SGCD: variants seen among roughly 807,000 people sequenced by gnomAD.
SGCD encodes the protein sarcoglycan delta, also known as delta-sarcoglycan.
A neutral mutation model predicts 36.6 loss-of-function variants in SGCD; 18 were observed. The ratio of observed to expected loss-of-function variants is 0.49; its 90% CI spans 0.34 to 0.73. The LOEUF is 0.73. Ranked by LOEUF, SGCD falls within the 30% of genes least tolerant of loss-of-function variation. The pLI, the probability that SGCD is intolerant of heterozygous loss-of-function variation, is 0.01. For missense variants in SGCD, 387 were observed against 346.7 expected (o/e 1.12, Z -0.92); for synonymous variants, 133 against 130.6 (o/e 1.02, Z -0.12).
At chr5:156,232,344 A>C (rs1477083450) in intron 3 of SGCD, among the ~76,000 whole-genome samples, 1 of 152,188 alleles carries the variant, frequency 6.6e-6, no homozygotes, top group Admixed American at 6.5e-5. Context: ...CTAAAACTAG[A>C]CTATTTCACC....
At chr5:156,181,527 T>C (rs78198982) in intron 3 of SGCD, among the ~76,000 whole-genome samples, 2,182 of 152,280 alleles carry the variant, frequency 0.014, 25 homozygotes, top group Non-Finnish European at 0.024. Context: ...TAGGGAGAAC[T>C]CCCCATTCCT....
intron 1 of SGCD, among the ~76,000 whole-genome samples, chr5:156,100,858 C>G (rs185351597): frequency 3.9e-5 from 6 of 152,090 alleles, no homozygotes. Context: ...CCTACCGTAC[C>G]TTGATTTTGG....
At chr5:156,472,399 A>G (rs1347482778) in intron 3 of SGCD, among the ~76,000 whole-genome samples, 2 of 152,182 alleles carry the variant, frequency 1.3e-5, no homozygotes, top group Non-Finnish European at 2.9e-5. Flanking sequence ...TAAAGAACTA[A>G]TATATACAAT....
intron 7 of SGCD, among the ~76,000 whole-genome samples, chr5:156,652,400 G>A (rs1350981140): frequency 6.6e-6 from 1 of 152,066 alleles, no homozygotes; most frequent in African/African-American, 2.4e-5. Context: ...AAGGCATGAG[G>A]ATGGCTTGAG....
At chr5:156,361,716 G>A (rs1769803571) in intron 3 of SGCD, among the ~76,000 whole-genome samples, 1 of 152,194 alleles carries the variant, frequency 6.6e-6, no homozygotes, top group Admixed American at 6.5e-5. Flanking sequence ...AAGAAATACG[G>A]TGACTCAAAT....
chr5:155,948,834 C>T (rs533656888), intron 1 of SGCD, among the ~76,000 whole-genome samples: 1 of 152,252 alleles, frequency 6.6e-6, no homozygotes, highest in Admixed American at 6.5e-5. Context: ...TCCCTATCAT[C>T]TGTGTGATGG....
intron 3 of SGCD, among the ~76,000 whole-genome samples, chr5:156,457,657 G>A (rs1350079293): frequency 1.3e-5 from 2 of 152,108 alleles, no homozygotes; most frequent in Non-Finnish European, 2.9e-5. Context: ...TGACCCTGGG[G>A]CAAACACAGT....
chr5:155,803,671 G>A, the SGCD span, among the ~76,000 whole-genome samples: 9 of 152,174 alleles, frequency 5.9e-5, no homozygotes, highest in African/African-American at 2.2e-4. Flanking sequence ...TTATTTGACT[G>A]TTTCTATTAT....
chr5:155,905,624 C>A lies in SGCD; in HGVS notation c.-282+35200C>A, dbSNP rs550324907. On this transcript the variant is annotated intron_variant, in intron 1 of 9. Coordinates refer to the SGCD transcript ENST00000517913. ...GATATGGTTTGGCTGTGTCCCCAGC[C>A]AAGTCTCAGCTTGAATTGTATCTCC... is the stretch of plus-strand genomic sequence containing the variant. Among the ~76,000 whole-genome samples, 16 of 152,218 alleles carry A rather than the reference C, an allele frequency of 1.1e-4. No homozygotes were observed. The South Asian group carries it at 3.3e-3, about 32-fold the overall frequency.
intron 7 of SGCD, among the ~76,000 whole-genome samples, chr5:156,730,699 CTTTATAATAGAATAAT>C (rs1209849394): frequency 6.6e-6 from 1 of 152,006 alleles, no homozygotes; most frequent in Non-Finnish European, 1.5e-5. Flanking sequence ...ATCCATGTGT[CTTTATAATAGAATAAT>C]TTATATTCCT....
intron 3 of SGCD, among the ~76,000 whole-genome samples, chr5:156,413,859 T>G (rs1171699476): frequency 6.6e-6 from 1 of 152,184 alleles, no homozygotes; most frequent in East Asian, 1.9e-4. Flanking sequence ...TTTTTTATTT[T>G]TGGAGTAGCA....
chr5:156,595,628 G>A lies in SGCD; in HGVS notation c.502+577G>A, dbSNP rs1394443709. 3.3e-5 allele frequency among the ~76,000 whole-genome samples: 5 copies of A among 152,188 alleles called. No individual in the cohort carries two copies. In the East Asian group the frequency reaches 7.7e-4, roughly 23 times the overall value. On this transcript the variant is annotated intron_variant, in intron 6 of 8. Coordinates refer to ENST00000337851, the MANE Select transcript of SGCD (RefSeq NM_000337.6). ...CACTGAGCTTTGTGTGAAAATGAGT[G>A]CTCATCCAAAGAAGTCTCATTTAGA... is the stretch of plus-strand genomic sequence containing the variant.
intron 3 of SGCD, among the ~76,000 whole-genome samples, chr5:156,221,034 T>G (rs1764704838): frequency 6.6e-6 from 1 of 152,138 alleles, no homozygotes; most frequent in Non-Finnish European, 1.5e-5. Context: ...ATGAATGAAT[T>G]ACCTGTCATT....
chr5:155,990,205 C>A (rs1228641157), intron 1 of SGCD, among the ~76,000 whole-genome samples: 2 of 152,148 alleles, frequency 1.3e-5, no homozygotes, highest in African/African-American at 2.4e-5. Flanking sequence ...AGGTTCTGAG[C>A]AGCTCTGAGA....
intron 7 of SGCD, among the ~76,000 whole-genome samples, chr5:156,664,425 G>A (rs1489769095): frequency 5.4e-5 from 8 of 149,434 alleles, no homozygotes; most frequent in African/African-American, 7.6e-5. Flanking sequence ...AATCAGGGTA[G>A]GGCTCTTTTG....
At chr5:155,832,797 G>C in the SGCD span, among the ~76,000 whole-genome samples, 1 of 151,108 alleles carries the variant, frequency 6.6e-6, no homozygotes, top group Non-Finnish European at 1.5e-5. Context: ...ATTTTGAATA[G>C]CATTTTAAAT....
At chr5:156,597,622 A>G (rs1760981949) in intron 6 of SGCD, among the ~76,000 whole-genome samples, 1 of 152,158 alleles carries the variant, frequency 6.6e-6, no homozygotes, top group South Asian at 2.1e-4. Context: ...ACACAGCCAA[A>G]CCATGTCGGT....
intron 3 of SGCD, among the ~76,000 whole-genome samples, chr5:156,230,158 C>A (rs1449037025): frequency 6.6e-6 from 1 of 152,136 alleles, no homozygotes; most frequent in Non-Finnish European, 1.5e-5. Flanking sequence ...TAATAACTAA[C>A]CTCCTGAATT....
At chr5:156,037,769 A>G (rs1428255539) in intron 1 of SGCD, among the ~76,000 whole-genome samples, 2 of 152,208 alleles carry the variant, frequency 1.3e-5, no homozygotes, top group Non-Finnish European at 2.9e-5. Flanking sequence ...CTGCCAATGT[A>G]GACAGACTAG....
Sources: gnomAD v4.1 joint callset for allele counts (sites outside exome capture counted in the v4.1 genomes callset) on GRCh38, gnomAD v4.1.1 for gene constraint, MANE v1.5 for transcripts, NCBI Gene and HGNC (gene_info 2026-07-23, HGNC 2026-07-21) for gene names.